PKD1L1: variants seen among roughly 807,000 people sequenced by gnomAD.
PKD1L1 encodes the protein polycystin 1 like 1, transient receptor potential channel interacting.
A neutral mutation model predicts 323.4 loss-of-function variants in PKD1L1; 236 were observed. The ratio of observed to expected loss-of-function variants is 0.73; its 90% confidence interval spans 0.66 to 0.81. The LOEUF (loss-of-function observed/expected upper bound fraction) is 0.81. Among genes scored for constraint, PKD1L1 ranks in the 40% least tolerant of loss-of-function variants. PKD1L1 has a pLI of 0.00. For missense variants in PKD1L1, 3,320 were observed against 3,508.0 expected (o/e 0.95, Z 1.35); for synonymous variants, 1,344 against 1,335.0 (o/e 1.01, Z -0.15).
chr7:47,897,845 C>T, intron 14 of PKD1L1, 143 bp downstream of exon 14: 1 of 629,502 alleles, frequency 1.6e-6, no homozygotes, highest in South Asian at 2.4e-5. Context: ...TCTTAAAATC[C>T]AATGCAGATT....
chr7:47,868,789 C>A (rs541383454), intron 24 of PKD1L1, among the ~76,000 whole-genome samples: 1 of 152,216 alleles, frequency 6.6e-6, no homozygotes, highest in African/African-American at 2.4e-5. Context: ...GCAGTAGAAT[C>A]GCTTGAACCC....
intron 18 of PKD1L1, 26 bp downstream of exon 18, chr7:47,885,660 T>A (rs1317987332): frequency 1.3e-6 from 2 of 1,590,726 alleles, no homozygotes; most frequent in African/African-American, 2.7e-5. Flanking sequence ...ACAAGAGGGA[T>A]GACATGCAGG....
chr7:47,889,527 T>G (rs1786762449), intron 16 of PKD1L1, among the ~76,000 whole-genome samples: 1 of 152,162 alleles, frequency 6.6e-6, no homozygotes, highest in Non-Finnish European at 1.5e-5. Flanking sequence ...CACCATGGCA[T>G]GGCCCACTCT....
At chr7:47,920,820 G>C (rs971324409) in intron 7 of PKD1L1, among the ~76,000 whole-genome samples, 1 of 152,144 alleles carries the variant, frequency 6.6e-6, no homozygotes, top group African/African-American at 2.4e-5. Flanking sequence ...AAATGGTGCT[G>C]GGATAATTGG....
intron 37 of PKD1L1, among the ~76,000 whole-genome samples, chr7:47,836,317 G>A (rs1785457120): frequency 6.6e-6 from 1 of 152,136 alleles, no homozygotes; most frequent in Non-Finnish European, 1.5e-5. Context: ...ACGACCCAGC[G>A]GTGAACCCGG....
At chr7:47,896,808 G>A (rs995548922) in intron 14 of PKD1L1, among the ~76,000 whole-genome samples, 5 of 151,906 alleles carry the variant, frequency 3.3e-5, no homozygotes, top group Non-Finnish European at 7.4e-5. Flanking sequence ...CCACCACCCC[G>A]AGGTCCCCTG....
chr7:47,878,251 T>C (rs1211228502), intron 21 of PKD1L1, among the ~76,000 whole-genome samples: 1 of 152,226 alleles, frequency 6.6e-6, no homozygotes, highest in Non-Finnish European at 1.5e-5. Flanking sequence ...TAAGATTACA[T>C]GGAACAGATA....
At chr7:47,886,934 G>A (rs1450619078) in intron 17 of PKD1L1, among the ~76,000 whole-genome samples, 3 of 152,070 alleles carry the variant, frequency 2.0e-5, no homozygotes, top group Non-Finnish European at 2.9e-5. Flanking sequence ...AATACCATGA[G>A]CATATAAATG....
intron 23 of PKD1L1, among the ~76,000 whole-genome samples, chr7:47,875,745 G>A (rs1786390152): frequency 6.6e-6 from 1 of 151,934 alleles, no homozygotes; most frequent in Admixed American, 6.6e-5. Flanking sequence ...ACCTTGATTT[G>A]GTTTCATCTA....
chr7:47,928,412 T>C (rs546480645), intron 7 of PKD1L1, among the ~76,000 whole-genome samples: 1 of 151,924 alleles, frequency 6.6e-6, no homozygotes, highest in Non-Finnish European at 1.5e-5. Context: ...CTACTAAAAA[T>C]ACAAAAAATT....
chr7:47,834,698 T>A (rs1785419897), intron 39 of PKD1L1, among the ~76,000 whole-genome samples: 1 of 152,186 alleles, frequency 6.6e-6, no homozygotes, highest in Non-Finnish European at 1.5e-5. Flanking sequence ...ACTATCCATC[T>A]GACAAAGACC....
At chr7:47,776,918 G>C (rs2128720404) in intron 56 of PKD1L1, among the ~76,000 whole-genome samples, 1 of 152,120 alleles carries the variant, frequency 6.6e-6, no homozygotes, top group Non-Finnish European at 1.5e-5. Context: ...TTGAGAAGGA[G>C]TCTTGCTCTG....
rs151266957 is a variant in PKD1L1 at position 47,809,569 on chromosome 7, G to T, written c.7590C>A (p.Phe2530Leu). ...QYHLMLPQLV[F>L]LALSLIHLCV... ...AGAGGTGGATCAGGCTGAGTGCCAG[G>T]AAGACCAGCTGGTGGAGAGAATGTA... is the stretch of plus-strand genomic sequence containing the variant. The change falls in exon 51 of 57, where the codon TTC (phenylalanine) becomes TTA (leucine). Residue 2530 changes from phenylalanine (F) to leucine (L), a missense_variant. Phe to Leu is a conservative substitution (Grantham distance 22, BLOSUM62 0). Coordinates refer to ENST00000289672, the MANE Select transcript of PKD1L1 (RefSeq NM_138295.5). 1 of 1,586,296 alleles carries T rather than the reference G, an allele frequency of 6.3e-7. No individual in the cohort carries two copies. Among genetic ancestry groups the T allele is most frequent in the Non-Finnish European group, 8.6e-7 (1 of 1,169,566 alleles).
At chr7:47,864,446 G>A (rs1786102545) in intron 26 of PKD1L1, among the ~76,000 whole-genome samples, 1 of 152,108 alleles carries the variant, frequency 6.6e-6, no homozygotes, top group Non-Finnish European at 1.5e-5. Context: ...AAAACCCAAT[G>A]CCATGTGTTA....
intron 27 of PKD1L1, among the ~76,000 whole-genome samples, 190 bp downstream of exon 27, chr7:47,858,483 A>AT (rs545865253): frequency 2.0e-5 from 3 of 152,368 alleles, no homozygotes; most frequent in Admixed American, 2.0e-4. Context: ...TGGAAACATT[A>AT]TAATATTACC....
rs1787768387 is a variant in PKD1L1 at position 47,931,337 on chromosome 7, A to G, written c.520-16T>C. On this transcript the variant is annotated splice_polypyrimidine_tract_variant and intron_variant, in intron 5 of 56. Coordinates refer to ENST00000289672, the MANE Select transcript of PKD1L1 (RefSeq NM_138295.5). ...TGCCCTGGAGCTTAAAAGTTTAAGAACAGTTCAGGGTTTATTGAATGGCCT... is the reference window on the plus strand; with the variant it reads ...TGCCCTGGAGCTTAAAAGTTTAAGAGCAGTTCAGGGTTTATTGAATGGCCT... 1 of 1,613,676 alleles carries G rather than the reference A, an allele frequency of 6.2e-7. No individual in the cohort carries two copies. Among genetic ancestry groups the G allele is most frequent in the South Asian group, 1.1e-5 (1 of 91,068 alleles).
At position 47,857,768 on chromosome 7, in the gene PKD1L1, T is replaced by C. The variant is rs201865039; in HGVS notation, c.4427A>G (p.Asn1476Ser). ...QMEFRTLLHYNLQSSVQSLGS... is the reference protein window; with the variant it reads ...QMEFRTLLHYSLQSSVQSLGS... ...CAGGCTCTGGACAGAGCTCTGAAGGTTGTAATGAAGAAGGGTCCGGAACTC... is the reference window on the plus strand; with the variant it reads ...CAGGCTCTGGACAGAGCTCTGAAGGCTGTAATGAAGAAGGGTCCGGAACTC... The change falls in exon 28 of 57, where the codon AAC (asparagine) becomes AGC (serine). Residue 1476 changes from asparagine (N) to serine (S), a missense_variant. Physicochemically the swap from Asn to Ser is conservative, Grantham distance 46 (BLOSUM62 1). Transcript: ENST00000289672. The C allele has an allele frequency of 1.2e-6, 2 of 1,613,816 alleles. No individual in the cohort carries two copies. The highest frequency in any genetic ancestry group is 1.7e-4 in the Middle Eastern group (1 of 6,060).
chr7:47,835,070 G>C (rs775316324), intron 38 of PKD1L1, 31 bp from the exon 39 acceptor site: 2 of 1,611,922 alleles, frequency 1.2e-6, no homozygotes, highest in African/African-American at 2.7e-5. Context: ...TTCGCCAAGC[G>C]TGTTCCCCAG....
Position 47,818,820 on chromosome 7 carries a change from A to T in PKD1L1, c.6965+2256T>A, listed in dbSNP as rs1006256785. Among the ~76,000 whole-genome samples the T allele has an allele frequency of 3.3e-5, 5 of 151,522 alleles. No homozygotes were observed. The East Asian group carries it at 9.7e-4, about 29-fold the overall frequency. ...TTGCTGGTTTATTTTTTGTTTTATT[A>T]TTTTTTTTTGGAACTTCATGAAGTC... On this transcript the variant is annotated intron_variant, in intron 46 of 56. Coordinates refer to ENST00000289672, the MANE Select transcript of PKD1L1 (RefSeq NM_138295.5).
Sources: gnomAD v4.1 joint callset for allele counts (sites outside exome capture counted in the v4.1 genomes callset) on GRCh38, gnomAD v4.1.1 for gene constraint, MANE v1.5 for transcripts, NCBI Gene and HGNC (gene_info 2026-07-23, HGNC 2026-07-21) for gene names.